The following NRDE2 variants were observed in gnomAD, a reference collection of about 807,000 sequenced individuals.
NRDE2 encodes the protein NRDE-2, necessary for RNA interference, domain containing.
In NRDE2, 76 loss-of-function variants were observed where a neutral mutation model predicts 124.2. The observed-to-expected ratio is 0.61, with a 90% CI of 0.51 to 0.74. The LOEUF (loss-of-function observed/expected upper bound fraction) is 0.74, where lower values mean the gene tolerates loss of function less well. NRDE2 is among the 30% of genes least tolerant of loss of function. The probability of loss-of-function intolerance (pLI) is 0.00; values close to 1 mark genes in which losing one functional copy is unlikely to be tolerated. For missense variants in NRDE2, 1,314 were observed against 1,417.3 expected, an observed-to-expected ratio of 0.93 and a Z score of 1.17; for synonymous variants, 489 against 528.1, an observed-to-expected ratio of 0.93 and a Z score of 1.01.
chr14:90,269,514 A>T lies in NRDE2; in HGVS notation c.*8822T>A. The stretch of plus-strand genomic sequence containing the variant: ...TGAAAGTTATCATGGCCACAAACCG[A>T]ATAGAAACTTTGGATCCAGCACTTA... On this transcript the variant is annotated 3_prime_UTR_variant, in exon 14 of 14. Coordinates refer to ENST00000354366, the MANE Select transcript of NRDE2 (RefSeq NM_017970.4). 6.2e-7 allele frequency: 1 copy of T among 1,614,030 alleles called. No individual in the cohort carries two copies. The highest frequency in any genetic ancestry group is 8.5e-7 in the Non-Finnish European group (1 of 1,179,962).
Position 90,304,053 on chromosome 14 carries a change from G to T in NRDE2, c.887C>A (p.Pro296Gln). The change falls in exon 5 of 14, where the codon CCA (proline) becomes CAA (glutamine). Residue 296 changes from proline (P) to glutamine (Q), a missense_variant. Transcript: ENST00000354366. ...QGPPEQESKQ[P>Q]DAQPDSESAA... ...ACTCTCGCTGTCTGGCTGTGCGTCT[G>T]GCTGCTTTGATTCCTGCTCTGGAGG... is the stretch of plus-strand genomic sequence containing the variant. 1 of 1,614,116 alleles carries T rather than the reference G, an allele frequency of 6.2e-7. No individual in the cohort carries two copies. The highest frequency in any genetic ancestry group is 8.5e-7 in the Non-Finnish European group (1 of 1,179,978).
At chr14:90,329,380 T>A (rs1199265559) in intron 1 of NRDE2, among the ~76,000 whole-genome samples, 1 of 152,164 alleles carries the variant, frequency 6.6e-6, no homozygotes, top group Non-Finnish European at 1.5e-5. Context: ...TTTGTCCAAA[T>A]CCTACTCTCT....
chr14:90,286,232 G>A lies in NRDE2; in HGVS notation c.3297+122C>T, dbSNP rs1892097412. On this transcript the variant is annotated intron_variant, in intron 12 of 13. Transcript: ENST00000354366. ...ATTCACCAATGCCAAGAAGATGAGA[G>A]TGAAATATGGCCTCCCAGCTCTCCT... The A allele has an allele frequency of 3.6e-6, 4 of 1,108,956 alleles. No homozygotes were observed. The African/African-American group carries it at 4.7e-5, about 13-fold the overall frequency. 68.7% of individuals were successfully genotyped at this position (1,108,956 alleles called of 1,614,324 possible).
At chr14:90,328,075 G>A (rs908958247) in intron 1 of NRDE2, among the ~76,000 whole-genome samples, 6 of 151,790 alleles carry the variant, frequency 4.0e-5, no homozygotes, top group South Asian at 4.1e-4. Flanking sequence ...CCCGGGAGGC[G>A]GAGCTTGCAG....
chr14:90,283,537 G>A (rs1892012187), intron 12 of NRDE2, among the ~76,000 whole-genome samples: 1 of 152,068 alleles, frequency 6.6e-6, no homozygotes, highest in Non-Finnish European at 1.5e-5. Flanking sequence ...GACAGGAGTG[G>A]AGGTTTCACT....
chr14:90,290,254 G>A lies in NRDE2; in HGVS notation c.2196C>T (p.Leu732=), dbSNP rs758380169. The A allele has an allele frequency of 8.1e-6, 13 of 1,614,074 alleles. No homozygotes were observed. The South Asian group carries it at 1.2e-4, about 15-fold the overall frequency. ...PLFSGKEKSQ[L]CFSWLQYEIA... ...TCTCATACTGTAACCAGGAGAAGCA[G>A]AGCTGGGACTTCTCTTTGCCTGAAA... is the stretch of plus-strand genomic sequence containing the variant. The change falls in exon 10 of 14, where the codon CTC becomes CTT. Residue 732 remains leucine, a synonymous_variant. Coordinates refer to ENST00000354366, the MANE Select transcript of NRDE2 (RefSeq NM_017970.4).
chr14:90,331,224 G>A (rs1360334882), intron 1 of NRDE2, among the ~76,000 whole-genome samples: 1 of 152,110 alleles, frequency 6.6e-6, no homozygotes, highest in Non-Finnish European at 1.5e-5. Context: ...AATGAACTAT[G>A]TACCCCAATT....
Position 90,269,637 on chromosome 14 carries a change from T to TA in NRDE2, c.*8698dup. 1.4e-6 allele frequency: 2 copies of TA among 1,432,620 alleles called. No homozygotes were observed. The highest frequency in any genetic ancestry group is 2.7e-5 in the South Asian group (2 of 74,582). 88.7% of individuals were successfully genotyped at this position (1,432,620 alleles called of 1,614,324 possible). ...TTTGGGAGGCCTATAAAATGATACA[T>TA]AAAAAAGCAAATACTGCAGTGAAAC... On this transcript the variant is annotated 3_prime_UTR_variant, in exon 14 of 14. Coordinates refer to ENST00000354366, the MANE Select transcript of NRDE2 (RefSeq NM_017970.4).
At chr14:90,294,030 C>A (rs1892343678) in intron 8 of NRDE2, among the ~76,000 whole-genome samples, 1 of 152,140 alleles carries the variant, frequency 6.6e-6, no homozygotes, top group African/African-American at 2.4e-5. Context: ...ATCGCCAACA[C>A]CTGGAAACAA....
chr14:90,287,033 CAAAAAAAAAAAAAAA>C (rs60863011), intron 11 of NRDE2, among the ~76,000 whole-genome samples: 163 of 23,826 alleles, frequency 6.8e-3, no homozygotes, highest in African/African-American at 0.016. Flanking sequence ...GACTCCGTCT[CAAAAAAAAAAAAAAA>C]AAAAAAAAAA....
intron 2 of NRDE2, chr14:90,317,564 G>A (rs1225477768): frequency 6.5e-6 from 1 of 153,016 alleles, no homozygotes; most frequent in Non-Finnish European, 1.5e-5. Context: ...TCAGTTCAAT[G>A]ATCTAAAACA....
In NRDE2 at chr14:90,320,829, T is replaced by C. The variant is rs1461363925; in HGVS notation, c.65-2716A>G. Reference sequence around the variant, plus strand: ...CAACAAGGCTCTATGGGAGGTATTATGATCACCATTTTATAGAAGAGGAAA... The same window carrying C: ...CAACAAGGCTCTATGGGAGGTATTACGATCACCATTTTATAGAAGAGGAAA... On this transcript the variant is annotated intron_variant, in intron 1 of 13. Coordinates refer to ENST00000354366, the MANE Select transcript of NRDE2 (RefSeq NM_017970.4). 2.0e-5 allele frequency among the ~76,000 whole-genome samples: 3 copies of C among 152,348 alleles called. No homozygotes were observed. In the East Asian group the frequency reaches 5.8e-4, roughly 29 times the overall value.
intron 1 of NRDE2, among the ~76,000 whole-genome samples, chr14:90,322,908 G>T (rs1203084541): frequency 6.6e-6 from 1 of 152,116 alleles, no homozygotes; most frequent in Non-Finnish European, 1.5e-5. Context: ...AGATAATTGT[G>T]CCAATACTAA....
At chr14:90,299,954 G>A (rs577303781) in intron 7 of NRDE2, among the ~76,000 whole-genome samples, 1 of 152,234 alleles carries the variant, frequency 6.6e-6, no homozygotes, top group African/African-American at 2.4e-5. Context: ...AAAGCAATAT[G>A]GAATATTAGT....
At chr14:90,293,021 A>G (rs1892315823) in intron 8 of NRDE2, 149 bp from the exon 9 acceptor site, 2 of 695,880 alleles carry the variant, frequency 2.9e-6, no homozygotes, top group Non-Finnish European at 4.9e-6. Context: ...AGTGGCATTT[A>G]GGAACTCTTT....
At chr14:90,285,144 G>A (rs953735921) in intron 12 of NRDE2, among the ~76,000 whole-genome samples, 3 of 151,204 alleles carry the variant, frequency 2.0e-5, no homozygotes, top group African/African-American at 4.9e-5. Flanking sequence ...CTGGACTCAC[G>A]CTTGTAATCC....
At chr14:90,327,928 G>A (rs1466080267) in intron 1 of NRDE2, among the ~76,000 whole-genome samples, 3 of 152,140 alleles carry the variant, frequency 2.0e-5, no homozygotes, top group Non-Finnish European at 4.4e-5. Context: ...CGGATCATGA[G>A]GTCAGGAGAT....
rs398118502 is a variant in NRDE2 at position 90,269,390 on chromosome 14, T to TC, written c.*8945dup. 337 of 1,595,860 alleles carry TC rather than the reference T, an allele frequency of 2.1e-4. No homozygotes were observed. The highest frequency in any genetic ancestry group is 1.2e-3 in the East Asian group (55 of 44,712). On this transcript the variant is annotated 3_prime_UTR_variant, in exon 14 of 14. Coordinates refer to ENST00000354366, the MANE Select transcript of NRDE2 (RefSeq NM_017970.4). ...TCTTCATTCCTTCCCTTTTTTTTTT[T>TC]CCAAAGATATGACTCCAATTCTGGT...
chr14:90,291,404 C>A (rs920792204), intron 9 of NRDE2, among the ~76,000 whole-genome samples: 5 of 152,220 alleles, frequency 3.3e-5, no homozygotes, highest in African/African-American at 1.2e-4. Flanking sequence ...GAAAGCTTTT[C>A]TCCCCCAGGC....
Sources: gnomAD v4.1 joint callset for allele counts (sites outside exome capture counted in the v4.1 genomes callset) on GRCh38, gnomAD v4.1.1 for gene constraint, MANE v1.5 for transcripts, NCBI Gene and HGNC (gene_info 2026-07-23, HGNC 2026-07-21) for gene names.